RASL12: variants seen among roughly 807,000 people sequenced by gnomAD.
RASL12 encodes RAS like family 12.
RASL12 carries 16 observed loss-of-function variants against 22.9 expected under a neutral mutation model. The observed-to-expected ratio is 0.70, with a 90% confidence interval of 0.47 to 1.06. RASL12 has a LOEUF of 1.06. Among genes scored for constraint, RASL12 ranks in the 50% least tolerant of loss-of-function variants. The pLI is 0.00. For missense variants in RASL12, 306 were observed against 353.1 expected (o/e 0.87, Z 1.07); for synonymous variants, 159 against 152.2 (o/e 1.04, Z -0.33).
At chr15:65,067,595 G>T (rs1433899983) in intron 1 of RASL12, 138 bp downstream of exon 1, 1 of 1,014,680 alleles carries the variant, frequency 9.9e-7, no homozygotes, top group Non-Finnish European at 1.4e-6. Context: ...AGAAAATCAC[G>T]GTGTCTTGTG....
At position 65,055,112 on chromosome 15, in the gene RASL12, G is replaced by A. The variant is rs960703158; in HGVS notation, c.588C>T (p.Leu196=). 4 of 1,611,160 alleles carry A rather than the reference G, an allele frequency of 2.5e-6. No homozygotes were observed. The highest frequency in any genetic ancestry group is 1.3e-5 in the African/African-American group (1 of 75,036). ...GCAGGGCCCTCTCCTCGGAGATGAA[G>A]AGGGGCCGGGTCAGGGGGCTCTTCT... ...ELEKSPLTRP[L]FISEERALPH... is the part of the protein sequence containing the mutation. Residue 196 remains leucine (L), a synonymous_variant, in exon 5 of 5, where the codon CTC becomes CTT. Transcript: ENST00000220062.
downstream of RASL12, chr15:65,053,185 A>C: frequency 6.2e-7 from 1 of 1,612,456 alleles, no homozygotes; most frequent in Non-Finnish European, 8.5e-7. Context: ...GAGAAGCCCC[A>C]TCCTAAGCCA....
chr15:65,050,510 TA>T (rs1302740443), downstream of RASL12, among the ~76,000 whole-genome samples: 6 of 152,102 alleles, frequency 3.9e-5, no homozygotes, highest in Non-Finnish European at 8.8e-5. Context: ...AGAAAGAGAA[TA>T]GGAAGTATGC....
At chr15:65,065,730 TG>T (rs1366559699) in intron 1 of RASL12, among the ~76,000 whole-genome samples, 6 of 152,156 alleles carry the variant, frequency 3.9e-5, no homozygotes, top group Non-Finnish European at 1.5e-5. Flanking sequence ...TTGCAGTGGT[TG>T]ATCTTTGGGA....
chr15:65,050,770 T>C (rs953125718), downstream of RASL12, among the ~76,000 whole-genome samples: 44 of 152,032 alleles, frequency 2.9e-4, no homozygotes, highest in African/African-American at 1.0e-3. Context: ...CTGTGGGCAG[T>C]TGCCATTCCT....
At chr15:65,076,507 C>T (rs1258138283) in intron 1 of RASL12, 1 of 690,554 alleles carries the variant, frequency 1.4e-6, no homozygotes, top group Admixed American at 2.1e-5. Context: ...AGACACGCTA[C>T]CTTAAGAGCT....
chr15:65,047,587 G>A, the RASL12 span, among the ~76,000 whole-genome samples: 1 of 152,052 alleles, frequency 6.6e-6, no homozygotes. Context: ...ATGGCACAGG[G>A]GCCTGTGGCT....
At chr15:65,070,267 CAAAAT>C (rs1217425592), upstream of RASL12, among the ~76,000 whole-genome samples, 2 of 152,092 alleles carry the variant, frequency 1.3e-5, no homozygotes, top group Non-Finnish European at 2.9e-5. Flanking sequence ...GACCTTGTCT[CAAAAT>C]AAAATAAAAC....
intron 4 of RASL12, among the ~76,000 whole-genome samples, chr15:65,056,361 G>A (rs1383001390): frequency 6.6e-6 from 1 of 152,184 alleles, no homozygotes; most frequent in Non-Finnish European, 1.5e-5. Flanking sequence ...TGAGGCACGC[G>A]GTCTCAGAGA....
At chr15:65,050,879 CTG>C (rs1318343074), downstream of RASL12, among the ~76,000 whole-genome samples, 3 of 121,956 alleles carry the variant, frequency 2.5e-5, no homozygotes, top group Admixed American at 1.1e-4. Context: ...CAGGGTCACT[CTG>C]TTGCCCAGGC....
downstream of RASL12, chr15:65,050,014 A>G: frequency 1.9e-6 from 3 of 1,551,310 alleles, no homozygotes; most frequent in Non-Finnish European, 2.6e-6. Flanking sequence ...CATGGAGCAC[A>G]GTGAGGGGGC....
intron 1 of RASL12, among the ~76,000 whole-genome samples, chr15:65,075,362 C>T (rs1292362075): frequency 6.6e-6 from 1 of 152,248 alleles, no homozygotes; most frequent in African/African-American, 2.4e-5. Context: ...CTACCCCCTG[C>T]TCCACGGTGC....
At chr15:65,060,489 G>A (rs930077839) in intron 2 of RASL12, among the ~76,000 whole-genome samples, 2 of 152,140 alleles carry the variant, frequency 1.3e-5, no homozygotes, top group Non-Finnish European at 2.9e-5. Context: ...TGAATTTCTC[G>A]AGTTGTTACT....
the RASL12 span, among the ~76,000 whole-genome samples, chr15:65,048,110 G>C: frequency 6.6e-6 from 1 of 151,930 alleles, no homozygotes; most frequent in Non-Finnish European, 1.5e-5. Flanking sequence ...GGACCCAGGA[G>C]GCATAGGTTG....
intron 2 of RASL12, among the ~76,000 whole-genome samples, chr15:65,062,210 G>A (rs550179324): frequency 6.4e-4 from 97 of 152,222 alleles, no homozygotes; most frequent in Non-Finnish European, 1.1e-3. Flanking sequence ...TCCTGGAGAC[G>A]CCTGCCCACT....
chr15:65,051,671 G>T, downstream of RASL12: 1 of 1,475,120 alleles, frequency 6.8e-7, no homozygotes, highest in Non-Finnish European at 9.4e-7. Flanking sequence ...TTCCCAGAGG[G>T]AAATCTAGAG....
chr15:65,050,082 G>T (rs2086629568), downstream of RASL12: 1 of 1,551,648 alleles, frequency 6.4e-7, no homozygotes, highest in Non-Finnish European at 8.7e-7. Context: ...AGATGCTTTG[G>T]TTTTTTCGTG....
rs567604998 is a variant in RASL12, at chr15:65,063,511, C to T, written c.160+1706G>A. ...AATCAAAGGGCCTCCTCTGGGTGAC[C>T]TTGGCCCAGAGTCTTCAGCTCCTTG... is the stretch of plus-strand genomic sequence containing the variant. On this transcript the variant is annotated intron_variant, in intron 2 of 4. Transcript: ENST00000220062. Among the ~76,000 whole-genome samples, 3 of 152,294 alleles carry T rather than the reference C, an allele frequency of 2.0e-5. No homozygotes were observed. The South Asian group carries it at 6.2e-4, about 32-fold the overall frequency.
At position 65,053,804 on chromosome 15, in the gene RASL12, C is replaced by T. The variant is rs2086691222; in HGVS notation, c.*1095G>A. 1.0e-6 allele frequency: 1 copy of T among 986,186 alleles called. No homozygotes were observed. Among genetic ancestry groups the T allele is most frequent in the Non-Finnish European group, 1.2e-6 (1 of 830,220 alleles). 61.1% of individuals were successfully genotyped at this position (986,186 alleles called of 1,614,324 possible). A position where few individuals can be genotyped will look rare whatever the true frequency, so the allele number is the denominator to read the frequency against. On this transcript the variant is annotated 3_prime_UTR_variant, in exon 5 of 5. Transcript: ENST00000220062. ...CACTGCCTGCCTTGGACAGCCTTTT[C>T]TTGCTAACAGTGGGATCTCAAAGGT...
Sources: allele counts gnomAD v4.1 joint callset (sites outside exome capture counted in the v4.1 genomes callset), GRCh38; gene constraint gnomAD v4.1.1; transcripts MANE v1.5; gene names NCBI Gene and HGNC (gene_info 2026-07-23, HGNC 2026-07-21).